The following KCNN3 variants were observed in gnomAD, a reference collection of about 807,000 sequenced individuals.
The protein encoded by KCNN3 is potassium calcium-activated channel subfamily N member 3.
Under a neutral mutation model 62.9 loss-of-function variants are expected in KCNN3, and 16 were observed. The ratio of observed to expected loss-of-function variants is 0.25; its 90% CI spans 0.17 to 0.39. The LOEUF is 0.39. Ranked by LOEUF, KCNN3 falls within the 10% of genes least tolerant of loss-of-function variation. The pLI, the probability that KCNN3 is intolerant of heterozygous loss-of-function variation, is 1.00. For synonymous variants in KCNN3, 370 were observed against 389.2 expected (o/e 0.95, Z 0.58); for missense variants, 599 against 949.4 (o/e 0.63, Z 4.85).
At chr1:154,846,637 A>T (rs374864516) in intron 1 of KCNN3, among the ~76,000 whole-genome samples, 1 of 152,112 alleles carries the variant, frequency 6.6e-6, no homozygotes, top group Non-Finnish European at 1.5e-5. Flanking sequence ...CCCTACTGCC[A>T]TTGGGTGTCT....
At chr1:154,825,554 G>C (rs1651073641) in intron 1 of KCNN3, among the ~76,000 whole-genome samples, 1 of 151,512 alleles carries the variant, frequency 6.6e-6, no homozygotes, top group African/African-American at 2.4e-5. Flanking sequence ...TTTTAGTAGA[G>C]ATGGGGTTTC....
At chr1:154,805,726 G>A (rs888184806) in intron 2 of KCNN3, among the ~76,000 whole-genome samples, 1 of 152,150 alleles carries the variant, frequency 6.6e-6, no homozygotes, top group Non-Finnish European at 1.5e-5. Flanking sequence ...GCCACTTACC[G>A]GCTGTGTGAC....
chr1:154,733,805 A>G (rs1027837971), intron 3 of KCNN3, among the ~76,000 whole-genome samples: 1 of 151,952 alleles, frequency 6.6e-6, no homozygotes, highest in African/African-American at 2.4e-5. Context: ...TGCCTATTCC[A>G]CCCCATCCCC....
chr1:154,868,058 G>C (rs2101940965), intron 1 of KCNN3: 1 of 985,548 alleles, frequency 1.0e-6, no homozygotes, highest in South Asian at 4.7e-5. Flanking sequence ...AGTGCCTGCT[G>C]TTCTCCATCC....
intron 1 of KCNN3, among the ~76,000 whole-genome samples, chr1:154,828,793 T>C (rs1198911808): frequency 1.3e-5 from 2 of 152,252 alleles, no homozygotes; most frequent in Non-Finnish European, 2.9e-5. Context: ...TGCAGGTAAA[T>C]GCAGCTGATC....
chr1:154,787,508 G>A (rs1252186846), intron 2 of KCNN3, among the ~76,000 whole-genome samples: 1 of 152,230 alleles, frequency 6.6e-6, no homozygotes, highest in South Asian at 2.1e-4. Context: ...TTAGAACTGC[G>A]TGTCTGCTAG....
chr1:154,835,962 C>T (rs543187675), intron 1 of KCNN3, among the ~76,000 whole-genome samples: 79 of 152,304 alleles, frequency 5.2e-4, no homozygotes, highest in African/African-American at 1.8e-3. Context: ...GAGTGTGACC[C>T]TCTGGCATCA....
chr1:154,714,185 G>T (rs1389342308), intron 6 of KCNN3, among the ~76,000 whole-genome samples: 1 of 141,544 alleles, frequency 7.1e-6, no homozygotes, highest in South Asian at 2.3e-4. Flanking sequence ...GGTGTGTGGT[G>T]TGTGTGTGGT....
chr1:154,812,543 T>C lies in KCNN3; in HGVS notation c.1029+9546A>G, dbSNP rs891852678. Among the ~76,000 whole-genome samples the C allele has an allele frequency of 3.9e-5, 6 of 152,238 alleles. No homozygotes were observed. In the East Asian group the frequency reaches 1.2e-3, roughly 29 times the overall value. On this transcript the variant is annotated intron_variant, in intron 2 of 7. Transcript: ENST00000271915. Reference sequence around the variant, plus strand: ...TGTCCTTGCGATAGTTTGCTGAGAATGATGGAGAAACAGAATATTCTATTA... The same window carrying C: ...TGTCCTTGCGATAGTTTGCTGAGAACGATGGAGAAACAGAATATTCTATTA...
intron 1 of KCNN3, among the ~76,000 whole-genome samples, chr1:154,850,965 ATT>A (rs1652277013): frequency 6.6e-6 from 1 of 151,990 alleles, no homozygotes; most frequent in Non-Finnish European, 1.5e-5. Flanking sequence ...AACTTAGCTG[ATT>A]TTTGTTTGTT....
chr1:154,757,898 C>T (rs539999320), intron 3 of KCNN3, among the ~76,000 whole-genome samples: 2 of 152,122 alleles, frequency 1.3e-5, no homozygotes, highest in Admixed American at 1.3e-4. Context: ...GGGTACTCAC[C>T]GTGTGCTAAA....
At chr1:154,756,623 C>T (rs1647724064) in intron 3 of KCNN3, among the ~76,000 whole-genome samples, 1 of 152,156 alleles carries the variant, frequency 6.6e-6, no homozygotes, top group African/African-American at 2.4e-5. Flanking sequence ...TCCTCTCATC[C>T]TTCAGACCTC....
At chr1:154,841,775 A>G (rs895050875) in intron 1 of KCNN3, among the ~76,000 whole-genome samples, 15 of 152,198 alleles carry the variant, frequency 9.9e-5, no homozygotes, top group Non-Finnish European at 2.2e-4. Flanking sequence ...TAAGGATGAG[A>G]TGTGCGAGCC....
chr1:154,743,071 C>G lies in KCNN3; in HGVS notation c.1449-9927G>C, dbSNP rs151089616. Among the ~76,000 whole-genome samples the G allele has an allele frequency of 1.2e-4, 18 of 152,276 alleles. No individual in the cohort carries two copies. The East Asian group carries it at 3.5e-3, about 29-fold the overall frequency. On this transcript the variant is annotated intron_variant, in intron 3 of 7. Coordinates refer to ENST00000271915, the MANE Select transcript of KCNN3 (RefSeq NM_002249.6). The stretch of plus-strand genomic sequence containing the variant: ...TTTCAAAATATCTCCAGAATCGGAG[C>G]GCCTGTCATCCCTGGTCTGTGGCCA...
chr1:154,712,322 T>C (rs1198266769), intron 7 of KCNN3, among the ~76,000 whole-genome samples: 3 of 152,000 alleles, frequency 2.0e-5, no homozygotes, highest in African/African-American at 7.3e-5. Context: ...CTCTCCTGCA[T>C]GCCCACGTTC....
intron 1 of KCNN3, among the ~76,000 whole-genome samples, chr1:154,849,692 G>A (rs1652228757): frequency 6.6e-6 from 1 of 152,220 alleles, no homozygotes; most frequent in African/African-American, 2.4e-5. Context: ...GGAACGAGAG[G>A]ACCTGGAAGG....
chr1:154,758,948 C>G (rs997941861), intron 3 of KCNN3, among the ~76,000 whole-genome samples: 1 of 152,010 alleles, frequency 6.6e-6, no homozygotes, highest in South Asian at 2.1e-4. Flanking sequence ...GCTGGGATTA[C>G]AGGCGCTCAC....
At chr1:154,852,683 C>T (rs1311000606) in intron 1 of KCNN3, among the ~76,000 whole-genome samples, 1 of 152,150 alleles carries the variant, frequency 6.6e-6, no homozygotes, top group African/African-American at 2.4e-5. Flanking sequence ...GTATTGCTTG[C>T]ACATTCAAAT....
chr1:154,758,669 G>C (rs1251898300), intron 3 of KCNN3, among the ~76,000 whole-genome samples: 1 of 152,202 alleles, frequency 6.6e-6, no homozygotes, highest in Non-Finnish European at 1.5e-5. Context: ...CGAATGGAAC[G>C]AGGTGGGGTA....
Sources: allele counts gnomAD v4.1 joint callset (sites outside exome capture counted in the v4.1 genomes callset), GRCh38; gene constraint gnomAD v4.1.1; transcripts MANE v1.5; gene names NCBI Gene and HGNC (gene_info 2026-07-23, HGNC 2026-07-21).